Variants in POTEJ observed in about 807,000 individuals in gnomAD.
POTEJ encodes the protein POTE ankyrin domain family, member J.
Under a neutral mutation model 69.0 loss-of-function variants are expected in POTEJ, and 11 were observed. The observed-to-expected ratio is 0.16, with a 90% CI of 0.10 to 0.26. The LOEUF is 0.26. Ranked by LOEUF, POTEJ falls within the 10% of genes least tolerant of loss-of-function variation. The pLI is 1.00. For missense variants in POTEJ, 327 were observed against 1,045.5 expected, an observed-to-expected ratio of 0.31 and a Z score of 9.48; for synonymous variants, 117 against 381.1, an observed-to-expected ratio of 0.31 and a Z score of 8.07.
chr2:130,622,675 C>G lies in POTEJ; in HGVS notation c.944+1072C>G, dbSNP rs1408374831. On this transcript the variant is annotated intron_variant, in intron 5 of 14. Coordinates refer to ENST00000409602, the MANE Select transcript of POTEJ (RefSeq NM_001277083.2). ...ATTTACATGATAATGAAAATTGTCC[C>G]AGCTACTTCCATCTCTAGCTCAAGA... 9.4e-5 allele frequency among the ~76,000 whole-genome samples: 12 copies of G among 128,110 alleles called. 2 individuals are homozygous for G. Among genetic ancestry groups the G allele is most frequent in the Middle Eastern group, 3.9e-3 (1 of 256 alleles). The allele number at this position is 128,110 out of a possible 152,430, so 84.0% of individuals were successfully genotyped here.
At chr2:130,632,858 C>A (rs1480501595) in intron 9 of POTEJ, among the ~76,000 whole-genome samples, 1 of 145,166 alleles carries the variant, frequency 6.9e-6, no homozygotes, top group East Asian at 1.9e-4. Flanking sequence ...CCAGTATTGG[C>A]AAATGTGAGG....
chr2:130,622,474 AG>A (rs1685573841), intron 5 of POTEJ, among the ~76,000 whole-genome samples: 1 of 111,486 alleles, frequency 9.0e-6, no homozygotes. Context: ...AAAGGGTGAG[AG>A]GGGTTCAAAT....
Position 130,611,672 on chromosome 2 carries a change from G to C in POTEJ, c.140G>C (p.Gly47Ala), listed in dbSNP as rs1351991201. The C allele has an allele frequency of 1.4e-5, 19 of 1,320,168 alleles. No homozygotes were observed. The highest frequency in any genetic ancestry group is 1.9e-5 in the Non-Finnish European group (18 of 954,992). 81.8% of individuals were successfully genotyped at this position (1,320,168 alleles called of 1,614,324 possible). A position where few individuals can be genotyped will look rare whatever the true frequency, so the allele number is the denominator to read the frequency against. ...GSGKSNVGTS[G>A]DQDDSTMKTL... ...GGCAAGAGCAACGTGGGCACTTCTG[G>C]AGACCAGGACGACTCCACTATGAAG... Residue 47 changes from glycine to alanine, a missense_variant, in exon 1 of 15, where the codon GGA (glycine) becomes GCA (alanine). Coordinates refer to ENST00000409602, the MANE Select transcript of POTEJ (RefSeq NM_001277083.2).
intron 10 of POTEJ, among the ~76,000 whole-genome samples, chr2:130,642,024 G>A (rs1391545198): frequency 6.6e-6 from 1 of 151,196 alleles, no homozygotes; most frequent in South Asian, 2.1e-4. Context: ...AAAGAGCAAG[G>A]AGCGTATGAA....
At chr2:130,626,837 T>A (rs1160391284) in intron 6 of POTEJ, among the ~76,000 whole-genome samples, 34 of 152,306 alleles carry the variant, frequency 2.2e-4, no homozygotes, top group African/African-American at 5.5e-4. Flanking sequence ...TTTGTTTTTT[T>A]GGTGTTATGC....
chr2:130,630,801 G>C lies in POTEJ; in HGVS notation c.1087-608G>C, dbSNP rs1685868883. Reference sequence around the variant, plus strand: ...AATTAGTACACATTAGAATATATTAGAACTGGACTTAAGCAGATAATCTGG... The same window carrying C: ...AATTAGTACACATTAGAATATATTACAACTGGACTTAAGCAGATAATCTGG... On this transcript the variant is annotated intron_variant, in intron 7 of 14. Transcript: ENST00000409602. Among the ~76,000 whole-genome samples, 3 of 145,708 alleles carry C rather than the reference G, an allele frequency of 2.1e-5. No individual in the cohort carries two copies. The South Asian group carries it at 6.3e-4, about 31-fold the overall frequency.
In POTEJ at chr2:130,623,886, G is replaced by T. The variant is rs557653657; in HGVS notation, c.945-178G>T. 3.1e-4 allele frequency among the ~76,000 whole-genome samples: 39 copies of T among 124,500 alleles called. No homozygotes were observed. The South Asian group carries it at 6.8e-3, about 22-fold the overall frequency. The allele number at this position is 124,500 out of a possible 152,430, so 81.7% of individuals were successfully genotyped here. On this transcript the variant is annotated intron_variant, in intron 5 of 14. Transcript: ENST00000409602. ...GAGTATTTCACCTTACATTTTTTTC[G>T]TCTTTAATTAGAAGCTTAAAGAGAA...
chr2:130,641,692 G>T (rs1431679968), intron 10 of POTEJ, among the ~76,000 whole-genome samples: 1 of 151,698 alleles, frequency 6.6e-6, no homozygotes, highest in African/African-American at 2.4e-5. Flanking sequence ...AGAGCAGCAG[G>T]TCAGCAGGAA....
intron 9 of POTEJ, among the ~76,000 whole-genome samples, chr2:130,636,051 C>G (rs1282442445): frequency 7.0e-6 from 1 of 143,846 alleles, no homozygotes; most frequent in African/African-American, 3.0e-5. Flanking sequence ...TCTGCTTCAG[C>G]CACACTGAAT....
Position 130,631,719 on chromosome 2 carries a change from A to T in POTEJ, c.1131+266A>T, listed in dbSNP as rs1425340581. 2.5e-4 allele frequency among the ~76,000 whole-genome samples: 36 copies of T among 141,970 alleles called. 5 individuals are homozygous for T. Among genetic ancestry groups the T allele is most frequent in the African/African-American group, 9.0e-4 (32 of 35,518 alleles). 93.1% of individuals were successfully genotyped at this position (141,970 alleles called of 152,430 possible). On this transcript the variant is annotated intron_variant, in intron 8 of 14. Transcript: ENST00000409602. ...ATGCCACTTTAGGAGCTTTGGACCA[A>T]TCATTTTATCTTTCTTGGTTTTAGT...
intron 1 of POTEJ, among the ~76,000 whole-genome samples, chr2:130,615,982 TA>T (rs1386749128): frequency 7.3e-6 from 1 of 136,306 alleles, no homozygotes; most frequent in African/African-American, 3.1e-5. Flanking sequence ...TGGTTTATTT[TA>T]GAAATTTGTT....
At chr2:130,639,017 G>A (rs1353136817) in intron 10 of POTEJ, among the ~76,000 whole-genome samples, 7 of 152,378 alleles carry the variant, frequency 4.6e-5, no homozygotes, top group Middle Eastern at 3.4e-3. Context: ...ACACAACCTA[G>A]ATCCCTCAGA....
intron 13 of POTEJ, among the ~76,000 whole-genome samples, 168 bp downstream of exon 13, chr2:130,646,478 C>G (rs1382935033): frequency 7.5e-6 from 1 of 132,452 alleles, no homozygotes; most frequent in Admixed American, 7.4e-5. Context: ...CGTTTTTTTT[C>G]CAGTCGTTAA....
intron 5 of POTEJ, among the ~76,000 whole-genome samples, chr2:130,622,664 G>T (rs1338988059): frequency 7.2e-6 from 1 of 139,604 alleles, no homozygotes; most frequent in African/African-American, 2.9e-5. Flanking sequence ...ACATGATAAT[G>T]AAAATTGTCC....
chr2:130,638,250 C>T (rs1686183514), intron 9 of POTEJ, among the ~76,000 whole-genome samples: 1 of 151,386 alleles, frequency 6.6e-6, no homozygotes, highest in African/African-American at 2.4e-5. Flanking sequence ...AATAAGGCAG[C>T]ATAGTCCTCA....
At chr2:130,642,139 C>T (rs1330418410) in intron 10 of POTEJ, among the ~76,000 whole-genome samples, 2 of 148,988 alleles carry the variant, frequency 1.3e-5, no homozygotes, top group Admixed American at 6.7e-5. Flanking sequence ...GTTTTTCCCT[C>T]TTGCCGCCTG....
intron 10 of POTEJ, among the ~76,000 whole-genome samples, chr2:130,642,913 T>C (rs958294018): frequency 6.6e-6 from 1 of 150,776 alleles, no homozygotes; most frequent in African/African-American, 2.5e-5. Context: ...AAGTCTCTGC[T>C]TGGGCATGTG....
chr2:130,634,858 C>T (rs556331783), intron 9 of POTEJ, among the ~76,000 whole-genome samples: 195 of 152,020 alleles, frequency 1.3e-3, no homozygotes, highest in African/African-American at 4.4e-3. Context: ...AATCTCACAC[C>T]GGCGTCTTCA....
chr2:130,637,731 A>T (rs1686157516), intron 9 of POTEJ, among the ~76,000 whole-genome samples: 1 of 152,258 alleles, frequency 6.6e-6, no homozygotes, highest in Non-Finnish European at 1.5e-5. Flanking sequence ...TCTTCGTGGA[A>T]CCTAAAAAAA....
Sources: allele counts gnomAD v4.1 joint callset (sites outside exome capture counted in the v4.1 genomes callset), GRCh38; gene constraint gnomAD v4.1.1; transcripts MANE v1.5; gene names NCBI Gene and HGNC (gene_info 2026-07-23, HGNC 2026-07-21).